The following ME3 variants were observed in gnomAD, a reference collection of about 807,000 sequenced individuals.
ME3 encodes the protein NADP-dependent malic enzyme, mitochondrial.
ME3 carries 48 observed loss-of-function variants against 68.9 expected under a neutral mutation model. That is an observed-to-expected ratio of 0.70 (90% CI 0.55 to 0.89). The LOEUF is 0.89. Ranked by LOEUF, ME3 falls within the 40% of genes least tolerant of loss-of-function variation. The probability of loss-of-function intolerance (pLI) is 0.00; values close to 1 mark genes in which losing one functional copy is unlikely to be tolerated. For missense variants in ME3, 675 were observed against 797.4 expected, an observed-to-expected ratio of 0.85 and a Z score of 1.85; for synonymous variants, 320 against 318.8, an observed-to-expected ratio of 1.00 and a Z score of -0.04.
chr11:86,540,895 C>T (rs1363626154), intron 4 of ME3, among the ~76,000 whole-genome samples: 3 of 152,160 alleles, frequency 2.0e-5, no homozygotes, highest in African/African-American at 7.2e-5. Context: ...CCAGTGAGAT[C>T]AATGCAGAAG....
At chr11:86,553,965 G>A (rs894037026) in intron 4 of ME3, among the ~76,000 whole-genome samples, 2 of 152,190 alleles carry the variant, frequency 1.3e-5, no homozygotes, top group Non-Finnish European at 2.9e-5. Flanking sequence ...TATAAACTAT[G>A]TGTGACTTTG....
chr11:86,555,340 A>G (rs959062380), intron 4 of ME3, among the ~76,000 whole-genome samples: 2 of 152,198 alleles, frequency 1.3e-5, no homozygotes, highest in African/African-American at 4.8e-5. Context: ...GGGGAAGTAC[A>G]TAGAGTCCTG....
intron 2 of ME3, among the ~76,000 whole-genome samples, chr11:86,568,576 A>G (rs1438836484): frequency 6.6e-6 from 1 of 152,200 alleles, no homozygotes; most frequent in Admixed American, 6.5e-5. Context: ...ATTTACTGGC[A>G]TCAGAGGGAG....
intron 4 of ME3, among the ~76,000 whole-genome samples, chr11:86,546,737 C>T (rs1332478087): frequency 3.3e-5 from 5 of 152,110 alleles, no homozygotes; most frequent in Admixed American, 6.5e-5. Context: ...ATTTGTTCAA[C>T]CATTGTGGAA....
intron 2 of ME3, among the ~76,000 whole-genome samples, chr11:86,665,851 G>T (rs896730228): frequency 1.3e-5 from 2 of 152,156 alleles, no homozygotes; most frequent in African/African-American, 4.8e-5. Context: ...GAGTGGTCAA[G>T]GATAGGACCA....
At chr11:86,468,522 T>C (rs971578295) in intron 7 of ME3, among the ~76,000 whole-genome samples, 3 of 152,210 alleles carry the variant, frequency 2.0e-5, no homozygotes, top group African/African-American at 7.2e-5. Flanking sequence ...TACTATAGTT[T>C]AATGTTTTAG....
intron 2 of ME3, among the ~76,000 whole-genome samples, chr11:86,602,554 C>T (rs1318274547): frequency 6.6e-6 from 1 of 151,952 alleles, no homozygotes; most frequent in Non-Finnish European, 1.5e-5. Flanking sequence ...GATTCAATGC[C>T]ATCCCCATCA....
chr11:86,508,893 C>T (rs1318631299), intron 4 of ME3, 26 bp from the exon 5 acceptor site: 3 of 1,571,112 alleles, frequency 1.9e-6, no homozygotes, highest in Middle Eastern at 3.3e-4. Flanking sequence ...CACGTACACA[C>T]AGAGAAACCA....
intron 8 of ME3, among the ~76,000 whole-genome samples, chr11:86,454,083 A>G (rs1345703357): frequency 1.3e-5 from 2 of 152,264 alleles, no homozygotes; most frequent in African/African-American, 4.8e-5. Flanking sequence ...TGAAACCAAA[A>G]CAAAACAAAG....
At chr11:86,644,238 C>G (rs543817810) in intron 2 of ME3, among the ~76,000 whole-genome samples, 10 of 152,132 alleles carry the variant, frequency 6.6e-5, no homozygotes, top group Non-Finnish European at 1.0e-4. Flanking sequence ...ATCCCAGCAC[C>G]CATCTTCTCC....
chr11:86,577,568 G>C (rs1279162850), intron 2 of ME3, among the ~76,000 whole-genome samples: 1 of 152,102 alleles, frequency 6.6e-6, no homozygotes, highest in Non-Finnish European at 1.5e-5. Context: ...GTATTAAGTT[G>C]GTGCCTCCTG....
At chr11:86,548,348 A>G (rs1157610211) in intron 4 of ME3, among the ~76,000 whole-genome samples, 1 of 152,214 alleles carries the variant, frequency 6.6e-6, no homozygotes, top group Non-Finnish European at 1.5e-5. Flanking sequence ...AACTTACTCC[A>G]TGTGACATTC....
chr11:86,530,307 C>T (rs1955109349), intron 4 of ME3, among the ~76,000 whole-genome samples: 1 of 152,142 alleles, frequency 6.6e-6, no homozygotes, highest in African/African-American at 2.4e-5. Flanking sequence ...TGAAGGACCT[C>T]TTCAAGGAGA....
intron 4 of ME3, among the ~76,000 whole-genome samples, chr11:86,549,273 C>T (rs1956541090): frequency 1.3e-5 from 2 of 152,178 alleles, no homozygotes; most frequent in Non-Finnish European, 2.9e-5. Flanking sequence ...GGAAAGCTGT[C>T]ATGAACTGAG....
At chr11:86,618,675 G>A (rs940631838) in intron 2 of ME3, among the ~76,000 whole-genome samples, 1 of 151,878 alleles carries the variant, frequency 6.6e-6, no homozygotes, top group African/African-American at 2.4e-5. Flanking sequence ...CTCATGGTTT[G>A]GTGCTGTCCT....
At chr11:86,559,024 C>G (rs1957068300) in intron 3 of ME3, among the ~76,000 whole-genome samples, 1 of 152,194 alleles carries the variant, frequency 6.6e-6, no homozygotes, top group South Asian at 2.1e-4. Context: ...AGCCAGGTCT[C>G]TGTGTTCAAA....
At chr11:86,627,617 T>C (rs1943743498) in intron 2 of ME3, among the ~76,000 whole-genome samples, 1 of 152,248 alleles carries the variant, frequency 6.6e-6, no homozygotes, top group African/African-American at 2.4e-5. Flanking sequence ...AAGCACAGTC[T>C]TGGCAGCTTT....
chr11:86,497,166 T>G (rs1159037534), intron 6 of ME3, among the ~76,000 whole-genome samples: 1 of 152,098 alleles, frequency 6.6e-6, no homozygotes, highest in African/African-American at 2.4e-5. Context: ...GTATTTTTAG[T>G]ACAGATGGGA....
At chr11:86,487,674 G>C (rs1047486495) in intron 6 of ME3, among the ~76,000 whole-genome samples, 2 of 152,180 alleles carry the variant, frequency 1.3e-5, no homozygotes, top group Admixed American at 6.5e-5. Flanking sequence ...AGGATGCTTT[G>C]AACCAGGCAA....
Sources: gnomAD v4.1 joint callset for allele counts (sites outside exome capture counted in the v4.1 genomes callset) on GRCh38, gnomAD v4.1.1 for gene constraint, MANE v1.5 for transcripts, NCBI Gene and HGNC (gene_info 2026-07-23, HGNC 2026-07-21) for gene names.